Variants in CLEC16A observed in about 807,000 individuals in gnomAD.
CLEC16A encodes the protein C-type lectin domain containing 16A.
Under a neutral mutation model 109.5 loss-of-function variants are expected in CLEC16A, and 51 were observed. That is an observed-to-expected ratio of 0.47 (90% confidence interval 0.37 to 0.59). The LOEUF (loss-of-function observed/expected upper bound fraction) is 0.59. Among genes scored for constraint, CLEC16A ranks in the 20% least tolerant of loss-of-function variants. The probability of loss-of-function intolerance (pLI) is 0.00; values close to 1 mark genes in which losing one functional copy is unlikely to be tolerated. For synonymous variants in CLEC16A, 673 were observed against 564.2 expected (o/e 1.19, Z -2.73); for missense variants, 1,339 against 1,394.0 (o/e 0.96, Z 0.63).
chr16:11,167,267 G>C (rs926061613), intron 23 of CLEC16A, among the ~76,000 whole-genome samples: 1 of 152,170 alleles, frequency 6.6e-6, no homozygotes, highest in South Asian at 2.1e-4. Flanking sequence ...AGCATCCATG[G>C]CCTTGAGCCA....
At chr16:11,087,728 G>A (rs1456337510) in intron 19 of CLEC16A, among the ~76,000 whole-genome samples, 11 of 152,228 alleles carry the variant, frequency 7.2e-5, no homozygotes, top group Admixed American at 7.2e-4. Context: ...CTGCAGCTCT[G>A]CTGGACAGAT....
chr16:10,997,227 C>A (rs1041131392), intron 10 of CLEC16A, among the ~76,000 whole-genome samples: 11 of 152,314 alleles, frequency 7.2e-5, no homozygotes, highest in African/African-American at 2.4e-4. Context: ...CTCCCCAGAT[C>A]TTGGGATTAC....
At chr16:10,953,633 G>A (rs764647878) in intron 1 of CLEC16A, among the ~76,000 whole-genome samples, 1 of 152,210 alleles carries the variant, frequency 6.6e-6, no homozygotes, top group Non-Finnish European at 1.5e-5. Flanking sequence ...TAAAGGGTTT[G>A]TGGTCAGAGT....
At chr16:11,121,871 C>A (rs2052439690) in intron 20 of CLEC16A, among the ~76,000 whole-genome samples, 2 of 136,196 alleles carry the variant, frequency 1.5e-5, no homozygotes, top group Non-Finnish European at 3.1e-5. Context: ...CAGAGTGAGA[C>A]CCTGTCTCAA....
chr16:10,946,399 T>C (rs576530225), intron 1 of CLEC16A, among the ~76,000 whole-genome samples: 114 of 151,338 alleles, frequency 7.5e-4, no homozygotes, highest in African/African-American at 2.7e-3. Context: ...TCTTGAAGAG[T>C]GGGGAGCAGG....
chr16:11,058,978 CGTCTTG>C (rs1278310038), intron 18 of CLEC16A, among the ~76,000 whole-genome samples: 92 of 152,310 alleles, frequency 6.0e-4, no homozygotes, highest in African/African-American at 2.2e-3. Context: ...TGACCACCCA[CGTCTTG>C]GGCTTTCTGT....
chr16:11,051,462 T>C, intron 17 of CLEC16A, 51 bp from the exon 18 acceptor site: 1 of 1,584,132 alleles, frequency 6.3e-7, no homozygotes, highest in Non-Finnish European at 8.7e-7. Flanking sequence ...GGCCCCTTCC[T>C]CCTTCCAAGT....
chr16:11,051,425 A>G (rs2047934392), intron 17 of CLEC16A, 88 bp from the exon 18 acceptor site: 2 of 1,361,832 alleles, frequency 1.5e-6, no homozygotes, highest in South Asian at 2.6e-5. Flanking sequence ...ATGCGGTTGA[A>G]GGCGAGGGGC....
At chr16:11,070,923 C>T (rs1409906420) in intron 19 of CLEC16A, 1 of 152,242 alleles carries the variant, frequency 6.6e-6, no homozygotes, top group Non-Finnish European at 1.5e-5. Context: ...TGTTTGAAAT[C>T]CTGACCACAT....
At chr16:11,113,024 G>C (rs1001806380) in intron 19 of CLEC16A, among the ~76,000 whole-genome samples, 1 of 152,238 alleles carries the variant, frequency 6.6e-6, no homozygotes, top group Non-Finnish European at 1.5e-5. Context: ...GTAGGCACCA[G>C]ACTGTGCACG....
chr16:10,988,846 GC>G (rs1191510720), intron 10 of CLEC16A, among the ~76,000 whole-genome samples: 9 of 152,266 alleles, frequency 5.9e-5, no homozygotes, highest in Non-Finnish European at 1.0e-4. Context: ...TTACTCCAAA[GC>G]CTTTTTATGT....
In CLEC16A at chr16:11,163,311, G is replaced by GA. The variant is rs890256002; in HGVS notation, c.2642-3068dup. 4.6e-5 allele frequency among the ~76,000 whole-genome samples: 7 copies of GA among 151,108 alleles called. No homozygotes were observed. In the South Asian group the frequency reaches 6.3e-4, roughly 14 times the overall value. On this transcript the variant is annotated intron_variant, in intron 22 of 23. Coordinates refer to ENST00000409790, the MANE Select transcript of CLEC16A (RefSeq NM_015226.3). ...GCCTTGGCCATCCAGCAAAATAAAGGAAAAAAAAAGCCAAAAGTCACTGTG... is the reference window on the plus strand; with the variant it reads ...GCCTTGGCCATCCAGCAAAATAAAGGAAAAAAAAAAGCCAAAAGTCACTGTG...
chr16:11,093,119 G>A (rs533780571), intron 19 of CLEC16A, among the ~76,000 whole-genome samples: 100 of 152,262 alleles, frequency 6.6e-4, no homozygotes, highest in African/African-American at 2.4e-3. Flanking sequence ...TACAGCCTTT[G>A]CACCCCCTTC....
chr16:10,973,340 G>C lies in CLEC16A; in HGVS notation c.728+279G>C, dbSNP rs143579240. On this transcript the variant is annotated intron_variant, in intron 7 of 23. Transcript: ENST00000409790. ...GTGAGAAGGTCAAGGGGCTCTGTCA[G>C]CTGATGAATGCATTAACAAAATGTA... is the stretch of plus-strand genomic sequence containing the variant. Among the ~76,000 whole-genome samples, 433 of 152,322 alleles carry C rather than the reference G, an allele frequency of 2.8e-3. 1 individual carries two copies. The highest frequency in any genetic ancestry group is 9.8e-3 in the Admixed American group (150 of 15,308).
intron 19 of CLEC16A, among the ~76,000 whole-genome samples, chr16:11,090,325 T>C (rs2050234690): frequency 1.3e-5 from 2 of 152,162 alleles, no homozygotes; most frequent in African/African-American, 4.8e-5. Flanking sequence ...AATTCTTGGG[T>C]TGAAGAAGAG....
At chr16:10,989,156 G>T (rs531744341) in intron 10 of CLEC16A, among the ~76,000 whole-genome samples, 1 of 152,306 alleles carries the variant, frequency 6.6e-6, no homozygotes, top group East Asian at 1.9e-4. Flanking sequence ...TGTATACTGT[G>T]CTCTCCATTC....
intron 22 of CLEC16A, among the ~76,000 whole-genome samples, chr16:11,146,595 T>A (rs2054067889): frequency 6.8e-6 from 1 of 146,596 alleles, no homozygotes; most frequent in Non-Finnish European, 1.5e-5. Flanking sequence ...GTAGAGGGAT[T>A]GATGGATGGG....
intron 10 of CLEC16A, among the ~76,000 whole-genome samples, chr16:11,000,180 G>A (rs922162907): frequency 3.9e-5 from 6 of 152,114 alleles, no homozygotes; most frequent in African/African-American, 7.2e-5. Flanking sequence ...GGTTCTAGGG[G>A]GCCAGAATTA....
chr16:11,009,422 GC>G (rs1207080196), intron 11 of CLEC16A, among the ~76,000 whole-genome samples: 1 of 152,128 alleles, frequency 6.6e-6, no homozygotes, highest in Non-Finnish European at 1.5e-5. Context: ...ATCCATTCCT[GC>G]CTTTGAGGCT....
Sources: allele counts gnomAD v4.1 joint callset (sites outside exome capture counted in the v4.1 genomes callset), GRCh38; gene constraint gnomAD v4.1.1; transcripts MANE v1.5; gene names NCBI Gene and HGNC (gene_info 2026-07-23, HGNC 2026-07-21).